Variants in MOB3B observed in about 807,000 individuals in gnomAD.
The protein encoded by MOB3B is MOB kinase activator 3B.
In MOB3B, 7 loss-of-function variants were observed where a neutral mutation model predicts 18.7. The observed-to-expected ratio is 0.37, with a 90% CI of 0.21 to 0.70. MOB3B has a LOEUF of 0.70. Ranked by LOEUF, MOB3B falls within the 30% of genes least tolerant of loss-of-function variation. The pLI, the probability that MOB3B is intolerant of heterozygous loss-of-function variation, is 0.52. For synonymous variants in MOB3B, 111 were observed against 99.9 expected (o/e 1.11, Z -0.66); for missense variants, 253 against 281.3 (o/e 0.90, Z 0.72).
intron 2 of MOB3B, among the ~76,000 whole-genome samples, chr9:27,446,023 G>T (rs1024394723): frequency 2.6e-5 from 4 of 152,096 alleles, no homozygotes; most frequent in Admixed American, 6.5e-5. Context: ...TCCTGAGAAA[G>T]AACTAACAAC....
At chr9:27,502,072 T>C (rs1230438483) in intron 1 of MOB3B, among the ~76,000 whole-genome samples, 2 of 152,194 alleles carry the variant, frequency 1.3e-5, no homozygotes, top group Non-Finnish European at 2.9e-5. Flanking sequence ...TTCTTCCATA[T>C]ATACACGATC....
chr9:27,527,740 A>T (rs1437711456), intron 1 of MOB3B, among the ~76,000 whole-genome samples: 1 of 152,234 alleles, frequency 6.6e-6, no homozygotes, highest in African/African-American at 2.4e-5. Context: ...GGGGTAGCAT[A>T]GGTTCTAACA....
chr9:27,473,467 G>A (rs939759845), intron 1 of MOB3B, among the ~76,000 whole-genome samples: 2 of 152,070 alleles, frequency 1.3e-5, no homozygotes, highest in Non-Finnish European at 2.9e-5. Flanking sequence ...AAGAGAAGCT[G>A]TCCAAGCTGG....
intron 2 of MOB3B, among the ~76,000 whole-genome samples, chr9:27,425,814 A>G (rs1366024648): frequency 6.6e-6 from 1 of 152,114 alleles, no homozygotes; most frequent in East Asian, 1.9e-4. Context: ...CCCCTCCCCA[A>G]GGTATTTCCA....
chr9:27,483,076 A>C (rs1387808094), intron 1 of MOB3B, among the ~76,000 whole-genome samples: 1 of 151,366 alleles, frequency 6.6e-6, no homozygotes, highest in Non-Finnish European at 1.5e-5. Context: ...CAAAGAGATA[A>C]ACATGACAAT....
chr9:27,440,577 AC>A (rs779955495), intron 2 of MOB3B, among the ~76,000 whole-genome samples: 74 of 152,332 alleles, frequency 4.9e-4, no homozygotes, highest in Non-Finnish European at 2.6e-4. Context: ...GTGGTGGTCC[AC>A]CACTCTCTAA....
intron 1 of MOB3B, among the ~76,000 whole-genome samples, chr9:27,458,517 GTTT>G (rs34061911): frequency 8.3e-4 from 106 of 128,190 alleles, no homozygotes; most frequent in African/African-American, 1.7e-3. Flanking sequence ...TTGAAGATAT[GTTT>G]TTTTTTTTTT....
rs1888381 is a variant in MOB3B at position 27,353,399 on chromosome 9, T to G, written c.621+5635A>C. Among the ~76,000 whole-genome samples the G allele has an allele frequency of 3.9e-5, 6 of 152,092 alleles. No individual in the cohort carries two copies. In the East Asian group the frequency reaches 1.2e-3, roughly 29 times the overall value. ...GGGGTGAGGCCCAAGAATGTACTTATGAAGTACTTCCTCCAGGAGATTCTG... is the reference window on the plus strand; with the variant it reads ...GGGGTGAGGCCCAAGAATGTACTTAGGAAGTACTTCCTCCAGGAGATTCTG... On this transcript the variant is annotated intron_variant, in intron 3 of 3. Coordinates refer to ENST00000262244, the MANE Select transcript of MOB3B (RefSeq NM_024761.5).
chr9:27,358,431 C>T lies in MOB3B; in HGVS notation c.621+603G>A, dbSNP rs1821225432. Among the ~76,000 whole-genome samples, 4 of 152,198 alleles carry T rather than the reference C, an allele frequency of 2.6e-5. No individual in the cohort carries two copies. In the South Asian group the frequency reaches 8.3e-4, roughly 31 times the overall value. On this transcript the variant is annotated intron_variant, in intron 3 of 3. Coordinates refer to ENST00000262244, the MANE Select transcript of MOB3B (RefSeq NM_024761.5). ...TAGTCCCCATTCACCTAAACAATAACACTAAGGATTTAATCATATCAAATG... is the reference window on the plus strand; with the variant it reads ...TAGTCCCCATTCACCTAAACAATAATACTAAGGATTTAATCATATCAAATG...
chr9:27,385,121 T>C (rs980349952), intron 2 of MOB3B, among the ~76,000 whole-genome samples: 1 of 152,192 alleles, frequency 6.6e-6, no homozygotes, highest in Non-Finnish European at 1.5e-5. Flanking sequence ...GGCAAGGGGA[T>C]GAGGAGGGGG....
In MOB3B at chr9:27,438,021, C is replaced by G. The variant is rs981910321; in HGVS notation, c.418+17112G>C. On this transcript the variant is annotated intron_variant, in intron 2 of 3. Coordinates refer to ENST00000262244, the MANE Select transcript of MOB3B (RefSeq NM_024761.5). Reference sequence around the variant, plus strand: ...TGTTAAGGCTTCCCATGCAAATATGCCAGGATGCATTTTTCCTTCTCATAT... The same window carrying G: ...TGTTAAGGCTTCCCATGCAAATATGGCAGGATGCATTTTTCCTTCTCATAT... 7.9e-5 allele frequency among the ~76,000 whole-genome samples: 12 copies of G among 152,160 alleles called. No homozygotes were observed. The East Asian group carries it at 1.7e-3, about 22-fold the overall frequency.
intron 3 of MOB3B, among the ~76,000 whole-genome samples, chr9:27,342,432 C>A (rs1767934022): frequency 6.7e-6 from 1 of 149,492 alleles, no homozygotes; most frequent in Admixed American, 6.6e-5. Context: ...AAACCCCTCT[C>A]CCTCCCCCTC....
At chr9:27,513,907 GGATGGATGGATGGATGGAT>G (rs1343890158) in intron 1 of MOB3B, among the ~76,000 whole-genome samples, 71 of 660 alleles carry the variant, frequency 0.11, no homozygotes, top group African/African-American at 0.15. Flanking sequence ...ATGGATGGAT[GGATGGATGGATGGATGGAT>G]GGTGGGTGGG....
chr9:27,489,172 C>T (rs1036244859), intron 1 of MOB3B, among the ~76,000 whole-genome samples: 1 of 152,202 alleles, frequency 6.6e-6, no homozygotes, highest in African/African-American at 2.4e-5. Flanking sequence ...TTTTGTCAAC[C>T]GTATTTCCAT....
intron 2 of MOB3B, among the ~76,000 whole-genome samples, chr9:27,371,909 C>T (rs545690448): frequency 5.3e-5 from 8 of 152,052 alleles, no homozygotes; most frequent in South Asian, 2.1e-4. Flanking sequence ...AATTTTCAAA[C>T]GTTTTATTTA....
At position 27,482,613 on chromosome 9, in the gene MOB3B, T is replaced by A. The variant is rs1387702207; in HGVS notation, c.-198-26865A>T. ...GCTTTTCAGACCTGGCTCAGTTGCA[T>A]CTCAACCTCTGCCTCTACACCATTG... On this transcript the variant is annotated intron_variant, in intron 1 of 3. Coordinates refer to ENST00000262244, the MANE Select transcript of MOB3B (RefSeq NM_024761.5). Among the ~76,000 whole-genome samples, 8 of 152,252 alleles carry A rather than the reference T, an allele frequency of 5.3e-5. No homozygotes were observed. The East Asian group carries it at 1.5e-3, about 29-fold the overall frequency.
At chr9:27,464,333 T>C (rs1435120080) in intron 1 of MOB3B, among the ~76,000 whole-genome samples, 2 of 152,186 alleles carry the variant, frequency 1.3e-5, no homozygotes, top group African/African-American at 2.4e-5. Context: ...AAAGAAATAA[T>C]ATTAACCTCA....
At chr9:27,495,992 G>A (rs1418350774) in intron 1 of MOB3B, among the ~76,000 whole-genome samples, 2 of 152,144 alleles carry the variant, frequency 1.3e-5, no homozygotes, top group South Asian at 2.1e-4. Context: ...AATCATGCTG[G>A]CAGCATACTG....
chr9:27,455,482 A>G lies in MOB3B; in HGVS notation c.69T>C (p.Pro23=). The G allele has an allele frequency of 6.2e-7, 1 of 1,614,222 alleles. No individual in the cohort carries two copies. Among genetic ancestry groups the G allele is most frequent in the Non-Finnish European group, 8.5e-7 (1 of 1,180,042 alleles). ...TGTGCAGCTCAAACCTCTGTGTGCC[A>G]GGTTCAAATTTCCTCTTGGGTCGGA... is the stretch of plus-strand genomic sequence containing the variant. The part of the protein sequence containing the change: ...KTFRPKRKFE[P]GTQRFELHKR... Residue 23 remains proline (P), a synonymous_variant, in exon 2 of 4, where the codon CCT becomes CCC. Transcript: ENST00000262244.
Sources: gnomAD v4.1 joint callset for allele counts (sites outside exome capture counted in the v4.1 genomes callset) on GRCh38, gnomAD v4.1.1 for gene constraint, MANE v1.5 for transcripts, NCBI Gene and HGNC (gene_info 2026-07-23, HGNC 2026-07-21) for gene names.